PPME1: variants seen among roughly 807,000 people sequenced by gnomAD.
PPME1 encodes the protein testicular secretory protein Li 39.
A neutral mutation model predicts 56.9 loss-of-function variants in PPME1; 17 were observed. That is an observed-to-expected ratio of 0.30 (90% CI 0.20 to 0.45). The LOEUF is 0.45. Ranked by LOEUF, PPME1 falls within the 20% of genes least tolerant of loss-of-function variation. The probability of loss-of-function intolerance (pLI) is 1.00; values close to 1 mark genes in which losing one functional copy is unlikely to be tolerated. For missense variants in PPME1, 357 were observed against 483.2 expected, an observed-to-expected ratio of 0.74 and a Z score of 2.45; for synonymous variants, 122 against 156.2, an observed-to-expected ratio of 0.78 and a Z score of 1.63.
At chr11:74,208,933 G>GT (rs1858399918) in intron 3 of PPME1, among the ~76,000 whole-genome samples, 1 of 152,194 alleles carries the variant, frequency 6.6e-6, no homozygotes, top group African/African-American at 2.4e-5. Context: ...GCTATAGTTT[G>GT]AATAGAGTTG....
chr11:74,252,683 C>T (rs924253493), intron 13 of PPME1: 2 of 361,452 alleles, frequency 5.5e-6, no homozygotes, highest in South Asian at 2.1e-5. Context: ...AACAGTAGTA[C>T]CCCTCCCACA....
intron 1 of PPME1, among the ~76,000 whole-genome samples, chr11:74,177,584 A>G (rs919913889): frequency 6.6e-5 from 10 of 152,100 alleles, no homozygotes; most frequent in African/African-American, 9.7e-5. Context: ...GGATTTATTA[A>G]TATGTTTTGA....
At chr11:74,222,494 G>A in intron 4 of PPME1, 125 bp downstream of exon 4, 1 of 837,638 alleles carries the variant, frequency 1.2e-6, no homozygotes, top group Non-Finnish European at 1.9e-6. Context: ...TGAGCTTTTT[G>A]TTGTTGTCGT....
At chr11:74,188,190 CTTT>C (rs557437447) in intron 1 of PPME1, among the ~76,000 whole-genome samples, 5 of 136,724 alleles carry the variant, frequency 3.7e-5, no homozygotes, top group Admixed American at 7.3e-5. Flanking sequence ...TCCTTTTTCT[CTTT>C]TTTTTTTTTT....
chr11:74,247,018 AC>A, intron 10 of PPME1, 60 bp from the exon 11 acceptor site: 1 of 1,388,474 alleles, frequency 7.2e-7, no homozygotes, highest in Non-Finnish European at 1.0e-6. Context: ...ACTTTGTAAC[AC>A]TTTTTACTTA....
Position 74,225,052 on chromosome 11 carries a change from A to T in PPME1, c.347-153A>T, listed in dbSNP as rs1020345856. Among the ~76,000 whole-genome samples, 10 of 152,198 alleles carry T rather than the reference A, an allele frequency of 6.6e-5. No individual in the cohort carries two copies. In the South Asian group the frequency reaches 2.1e-3, roughly 31 times the overall value. The stretch of plus-strand genomic sequence containing the variant: ...ATTATCCTTCTTAGGATAACTATAA[A>T]GATTTTTCTGAAGAAAATCCTTGCT... On this transcript the variant is annotated intron_variant, in intron 4 of 13. Transcript: ENST00000328257.
At position 74,214,192 on chromosome 11, in the gene PPME1, C is replaced by T. The variant is rs79876102; in HGVS notation, c.289-8120C>T. ...TTCTGGAGTTGAAAAATGCAATTGA[C>T]ATAATAAAGAATGCATCAGAGTCTC... On this transcript the variant is annotated intron_variant, in intron 3 of 13. Transcript: ENST00000328257. 3.5e-3 allele frequency among the ~76,000 whole-genome samples: 536 copies of T among 152,188 alleles called. 5 individuals are homozygous for T. The highest frequency in any genetic ancestry group is 0.012 in the African/African-American group (506 of 41,516).
chr11:74,184,415 T>C (rs916768066), intron 1 of PPME1, among the ~76,000 whole-genome samples: 4 of 152,160 alleles, frequency 2.6e-5, no homozygotes, highest in South Asian at 2.1e-4. Context: ...TTGGGAGAAA[T>C]GTGTCTTGGT....
At chr11:74,239,750 TTTG>T (rs2135671409) in intron 9 of PPME1, among the ~76,000 whole-genome samples, 1 of 151,294 alleles carries the variant, frequency 6.6e-6, no homozygotes, top group South Asian at 2.1e-4. Context: ...CTAATTTTTT[TTTG>T]TTATTTTTAG....
intron 9 of PPME1, among the ~76,000 whole-genome samples, chr11:74,245,153 T>G (rs1859472901): frequency 6.6e-6 from 1 of 152,150 alleles, no homozygotes; most frequent in Non-Finnish European, 1.5e-5. Context: ...AAAATTGTTT[T>G]GGCTAGTCAG....
Position 74,239,204 on chromosome 11 carries a change from A to C in PPME1, c.782A>C (p.Asp261Ala). The C allele has an allele frequency of 6.2e-7, 1 of 1,613,500 alleles. No homozygotes were observed. The highest frequency in any genetic ancestry group is 8.5e-7 in the Non-Finnish European group (1 of 1,179,594). Reference protein sequence around the residue: ...VEGIIEEEEEDEEGSESISKR... With the variant: ...VEGIIEEEEEAEEGSESISKR... ...GGAATCATAGAGGAAGAAGAAGAAG[A>C]TGAGGAAGGAAGTGAGTCTATAAGC... Residue 261 changes from aspartate to alanine, a missense_variant, in exon 9 of 14, where the codon GAT becomes GCT. Physicochemically the swap from Asp to Ala is moderately radical, Grantham distance 126. Transcript: ENST00000328257.
chr11:74,176,246 G>A (rs1857397367), intron 1 of PPME1, among the ~76,000 whole-genome samples: 1 of 152,136 alleles, frequency 6.6e-6, no homozygotes, highest in Admixed American at 6.5e-5. Context: ...GTCCCCACAA[G>A]CTGTATGTTT....
At chr11:74,203,121 C>G (rs1236108997) in intron 1 of PPME1, among the ~76,000 whole-genome samples, 1 of 152,060 alleles carries the variant, frequency 6.6e-6, no homozygotes, top group Non-Finnish European at 1.5e-5. Flanking sequence ...CTATTACAAA[C>G]GATGTTTCAT....
intron 1 of PPME1, among the ~76,000 whole-genome samples, chr11:74,196,664 C>T (rs1056175326): frequency 1.4e-4 from 21 of 150,790 alleles, no homozygotes; most frequent in Non-Finnish European, 2.4e-4. Flanking sequence ...AGTGAAAGAA[C>T]AGCTACTCCA....
chr11:74,239,057 C>A (rs897168473), intron 8 of PPME1, 76 bp from the exon 9 acceptor site: 1 of 1,384,312 alleles, frequency 7.2e-7, no homozygotes, highest in Non-Finnish European at 9.9e-7. Flanking sequence ...TATAAAAGGC[C>A]GTAAGTATGA....
chr11:74,181,191 C>G (rs934956150), intron 1 of PPME1, among the ~76,000 whole-genome samples: 1 of 151,692 alleles, frequency 6.6e-6, no homozygotes, highest in Non-Finnish European at 1.5e-5. Flanking sequence ...ACTACAGGCG[C>G]CTGCCACCGC....
chr11:74,176,371 G>C (rs1378201221), intron 1 of PPME1, among the ~76,000 whole-genome samples: 1 of 151,976 alleles, frequency 6.6e-6, no homozygotes, highest in Non-Finnish European at 1.5e-5. Context: ...AAAGGGCAAA[G>C]TGAAGTGATT....
At chr11:74,211,297 A>G (rs1858466358) in intron 3 of PPME1, among the ~76,000 whole-genome samples, 1 of 152,188 alleles carries the variant, frequency 6.6e-6, no homozygotes, top group Non-Finnish European at 1.5e-5. Context: ...ACTGAAATTC[A>G]CACAGAATAA....
chr11:74,254,466 C>A lies in PPME1; in HGVS notation c.*956C>A. The A allele has an allele frequency of 6.5e-6, 1 of 153,008 alleles. No individual in the cohort carries two copies. 9.5% of individuals were successfully genotyped at this position (153,008 alleles called of 1,614,324 possible). The stretch of plus-strand genomic sequence containing the variant: ...AGTCTTTGCCTTCTTCCAGCTGCCT[C>A]GACACAGCACTGTGGCCTGTCCCTA... On this transcript the variant is annotated 3_prime_UTR_variant, in exon 14 of 14. Transcript: ENST00000328257.
Sources: gnomAD v4.1 joint callset for allele counts (sites outside exome capture counted in the v4.1 genomes callset) on GRCh38, gnomAD v4.1.1 for gene constraint, MANE v1.5 for transcripts, NCBI Gene and HGNC (gene_info 2026-07-23, HGNC 2026-07-21) for gene names.